Variants in KCP observed in about 807,000 individuals in gnomAD.
KCP encodes the protein kielin/chordin-like protein.
Under a neutral mutation model 212.7 loss-of-function variants are expected in KCP, and 194 were observed. The observed-to-expected ratio is 0.91, with a 90% CI of 0.81 to 1.03. The LOEUF is 1.03. Ranked by LOEUF, KCP falls within the 50% of genes least tolerant of loss-of-function variation. The pLI, the probability that KCP is intolerant of heterozygous loss-of-function variation, is 0.00. For synonymous variants in KCP, 833 were observed against 865.3 expected (o/e 0.96, Z 0.65); for missense variants, 2,080 against 2,162.5 (o/e 0.96, Z 0.76).
chr7:128,902,502 C>G (rs1259271180), intron 8 of KCP, among the ~76,000 whole-genome samples: 1 of 152,162 alleles, frequency 6.6e-6, no homozygotes, highest in African/African-American at 2.4e-5. Context: ...GGAGCTTTTG[C>G]CGCTCGCCAT....
rs1357961294 is a variant in KCP, at chr7:128,879,947, C to T, written c.3898G>A (p.Val1300Met). Residue 1300 changes from valine to methionine, a missense_variant, in exon 35 of 40, where the codon GTG becomes ATG. Physicochemically the swap from Val to Met is conservative, Grantham distance 21. Transcript: ENST00000610776. ...CCGCTGTGGCAGTCCTTGGCCAGCA[C>T]ATAGCTGCAACTGCCCTGGAAGTGC... ...LLHFQGSCSY[V>M]LAKDCHSGDF... 1.3e-6 allele frequency: 2 copies of T among 1,550,972 alleles called. No homozygotes were observed. Among genetic ancestry groups the T allele is most frequent in the Non-Finnish European group, 1.7e-6 (2 of 1,146,964 alleles).
At chr7:128,896,457 A>G (rs1376470795) in intron 8 of KCP, among the ~76,000 whole-genome samples, 2 of 152,156 alleles carry the variant, frequency 1.3e-5, no homozygotes, top group African/African-American at 4.8e-5. Context: ...GTTAACTGCT[A>G]TTCTCTTGGG....
chr7:128,880,518 C>T lies in KCP; in HGVS notation c.3627G>A (p.Gln1209=). Residue 1209 remains glutamine, a synonymous_variant, in exon 34 of 40, where the codon CAG becomes CAA. Transcript: ENST00000610776. ...SCCERCQAPT[Q]SCVHQGREVA... Reference sequence around the variant, plus strand: ...CCTCACGGCCCTGGTGCACGCAGGACTGGGTGGGAGCTGAAGGGATAGGAG... The same window carrying T: ...CCTCACGGCCCTGGTGCACGCAGGATTGGGTGGGAGCTGAAGGGATAGGAG... 1 of 1,501,160 alleles carries T rather than the reference C, an allele frequency of 6.7e-7. No homozygotes were observed. Among genetic ancestry groups the T allele is most frequent in the Non-Finnish European group, 9.0e-7 (1 of 1,116,262 alleles). 93.0% of individuals were successfully genotyped at this position (1,501,160 alleles called of 1,614,324 possible).
chr7:128,904,451 C>T (rs1434329343), intron 5 of KCP: 2 of 1,125,964 alleles, frequency 1.8e-6, no homozygotes, highest in African/African-American at 3.1e-5. Flanking sequence ...TCCTGCTCTC[C>T]CTCCTCGTCC....
chr7:128,893,987 A>G lies in KCP; in HGVS notation c.994T>C (p.Cys332Arg), dbSNP rs887698530. Reference sequence around the variant, plus strand: ...GCAGCCACACTCACAGCACAGCGGCAGTGCGAGCAGGGGTCCCCTGAGCCC... The same window carrying G: ...GCAGCCACACTCACAGCACAGCGGCGGTGCGAGCAGGGGTCCCCTGAGCCC... ...PVGSGDPCSH[C>R]RCANGSVQCE... The change falls in exon 10 of 40, where the codon TGC becomes CGC. Residue 332 changes from cysteine to arginine, a missense_variant. Coordinates refer to ENST00000610776, the MANE Select transcript of KCP (RefSeq NM_001366122.1). 43 of 1,550,066 alleles carry G rather than the reference A, an allele frequency of 2.8e-5. No homozygotes were observed. The Admixed American group carries it at 6.9e-4, about 25-fold the overall frequency.
intron 8 of KCP, among the ~76,000 whole-genome samples, chr7:128,896,396 C>T (rs1025244245): frequency 2.0e-5 from 3 of 151,986 alleles, no homozygotes; most frequent in South Asian, 2.1e-4. Context: ...GGTTAGAGGC[C>T]CCTCTGGGTA....
chr7:128,880,115 C>T (rs991963413), intron 34 of KCP, 30 bp from the exon 35 acceptor site: 2 of 1,493,706 alleles, frequency 1.3e-6, no homozygotes, highest in Non-Finnish European at 1.8e-6. Context: ...CTGTCAGACA[C>T]ACCGCCCTCC....
rs1794018700 is a variant in KCP, at chr7:128,890,390, G to A, written c.2288C>T (p.Ala763Val). 1.3e-6 allele frequency: 2 copies of A among 1,551,276 alleles called. No individual in the cohort carries two copies. Among genetic ancestry groups the A allele is most frequent in the African/African-American group, 1.4e-5 (1 of 73,158 alleles). The change falls in exon 21 of 40, where the codon GCA becomes GTA. Residue 763 changes from alanine (A) to valine (V), a missense_variant. Physicochemically the swap from Ala to Val is moderately conservative, Grantham distance 64. Coordinates refer to ENST00000610776, the MANE Select transcript of KCP (RefSeq NM_001366122.1). Reference sequence around the variant, plus strand: ...GCCCCTGGCAGGGAAGGGGCACAGTGCAGGGGCACATGCCTTGGGCTCGCA... The same window carrying A: ...GCCCCTGGCAGGGAAGGGGCACAGTACAGGGGCACATGCCTTGGGCTCGCA... The part of the protein sequence containing the change: ...VSCEPKACAP[A>V]LCPFPARGDC...
At chr7:128,888,436 A>C (rs1793862896) in intron 22 of KCP, among the ~76,000 whole-genome samples, 1 of 151,124 alleles carries the variant, frequency 6.6e-6, no homozygotes, top group African/African-American at 2.4e-5. Flanking sequence ...ATACACACAC[A>C]TATACACACG....
chr7:128,908,325 G>A (rs1585263239), intron 2 of KCP, 101 bp downstream of exon 2: 7 of 957,684 alleles, frequency 7.3e-6, no homozygotes, highest in Non-Finnish European at 1.0e-5. Flanking sequence ...TCAGATAAGA[G>A]CTCTATTTTA....
intron 29 of KCP, among the ~76,000 whole-genome samples, chr7:128,883,596 GC>G (rs1793461108): frequency 6.6e-6 from 1 of 152,158 alleles, no homozygotes; most frequent in Non-Finnish European, 1.5e-5. Flanking sequence ...ACAGAAATTG[GC>G]CATCTTTCAA....
intron 8 of KCP, among the ~76,000 whole-genome samples, chr7:128,898,581 A>G (rs1396748131): frequency 2.6e-5 from 4 of 152,252 alleles, no homozygotes; most frequent in Non-Finnish European, 5.9e-5. Flanking sequence ...ACACTGTAAC[A>G]TGTAATTGAG....
rs1293526788 is a variant in KCP at position 128,888,625 on chromosome 7, CACAT to C, written c.2512+234_2512+237del. 5.9e-3 allele frequency among the ~76,000 whole-genome samples: 856 copies of C among 145,998 alleles called. 11 individuals are homozygous for C. Among genetic ancestry groups the C allele is most frequent in the African/African-American group, 0.02 (779 of 39,876 alleles). On this transcript the variant is annotated intron_variant, in intron 22 of 39. Coordinates refer to ENST00000610776, the MANE Select transcript of KCP (RefSeq NM_001366122.1). The stretch of plus-strand genomic sequence containing the variant: ...ACACACACAGCCAGACACACACACA[CACAT>C]ACAGACACACACACATACACAGCCA...
At chr7:128,902,998 C>CT in intron 7 of KCP, 139 bp from the exon 8 acceptor site, 1 of 669,232 alleles carries the variant, frequency 1.5e-6, no homozygotes, top group Non-Finnish European at 2.6e-6. Flanking sequence ...AGATCTCTGC[C>CT]TAGATTCCCC....
intron 21 of KCP, among the ~76,000 whole-genome samples, chr7:128,889,532 G>T (rs1372754715): frequency 6.6e-6 from 1 of 152,218 alleles, no homozygotes; most frequent in East Asian, 1.9e-4. Flanking sequence ...TAAAAAAGAA[G>T]GGTGAATTTC....
At chr7:128,904,601 C>T (rs73721653) in intron 5 of KCP, among the ~76,000 whole-genome samples, 3,055 of 152,334 alleles carry the variant, frequency 0.02, 119 homozygotes, top group African/African-American at 0.071. Context: ...GGCCGGCAGT[C>T]TGCCCAGCAG....
chr7:128,885,543 C>T (rs905129368), intron 26 of KCP, among the ~76,000 whole-genome samples: 1 of 152,200 alleles, frequency 6.6e-6, no homozygotes, highest in East Asian at 1.9e-4. Context: ...CAGCCCGCAC[C>T]GGCCACAGAC....
intron 7 of KCP, chr7:128,903,242 A>C: frequency 3.7e-6 from 1 of 272,878 alleles, no homozygotes. Context: ...GCCCTTCACC[A>C]AGCTAACTTT....
intron 8 of KCP, among the ~76,000 whole-genome samples, chr7:128,902,185 A>G (rs1794889738): frequency 6.6e-6 from 1 of 152,354 alleles, no homozygotes; most frequent in East Asian, 1.9e-4. Flanking sequence ...ATGAGCCACC[A>G]TGCTCAGCCT....
Sources: allele counts gnomAD v4.1 joint callset (sites outside exome capture counted in the v4.1 genomes callset), GRCh38; gene constraint gnomAD v4.1.1; transcripts MANE v1.5; gene names NCBI Gene and HGNC (gene_info 2026-07-23, HGNC 2026-07-21).